Variants in KMT2C observed in about 807,000 individuals in gnomAD.
The protein encoded by KMT2C is histone-lysine N-methyltransferase 2C.
Under a neutral mutation model 507.9 loss-of-function variants are expected in KMT2C, and 88 were observed. The ratio of observed to expected loss-of-function variants is 0.17; its 90% CI spans 0.15 to 0.21. KMT2C has a LOEUF of 0.21. Ranked by LOEUF, KMT2C falls within the 10% of genes least tolerant of loss-of-function variation. KMT2C has a pLI of 1.00. For synonymous variants in KMT2C, 2,049 were observed against 2,080.8 expected (o/e 0.98, Z 0.42); for missense variants, 4,954 against 5,957.8 (o/e 0.83, Z 5.55).
chr7:152,406,523 T>A (rs1368555323), intron 1 of KMT2C, among the ~76,000 whole-genome samples: 20 of 150,056 alleles, frequency 1.3e-4, no homozygotes, highest in Middle Eastern at 3.6e-3. Flanking sequence ...AAAGGTGTTC[T>A]TGTTTGTTTT....
chr7:152,297,035 A>AAGAAAG (rs2096510676), intron 6 of KMT2C, among the ~76,000 whole-genome samples: 3 of 97,036 alleles, frequency 3.1e-5, no homozygotes, highest in Non-Finnish European at 5.9e-5. Context: ...GAAAGAAAGA[A>AAGAAAG]AGAAAGAAAG....
At chr7:152,215,083 A>C (rs1385138302) in intron 23 of KMT2C, among the ~76,000 whole-genome samples, 1 of 152,130 alleles carries the variant, frequency 6.6e-6, no homozygotes, top group East Asian at 1.9e-4. Flanking sequence ...AATGAAAAAA[A>C]AAACTGTATC....
chr7:152,174,858 T>G (rs2093126637), intron 38 of KMT2C, among the ~76,000 whole-genome samples: 1 of 152,176 alleles, frequency 6.6e-6, no homozygotes, highest in African/African-American at 2.4e-5. Flanking sequence ...TTTGTTGTTT[T>G]TAGAATCAGT....
intron 26 of KMT2C, among the ~76,000 whole-genome samples, chr7:152,200,825 A>G (rs1235326557): frequency 6.6e-6 from 1 of 152,216 alleles, no homozygotes; most frequent in East Asian, 1.9e-4. Context: ...TATTAACAAT[A>G]CTACCCTTTG....
At chr7:152,384,460 AC>A (rs1340818296) in intron 1 of KMT2C, among the ~76,000 whole-genome samples, 2 of 152,008 alleles carry the variant, frequency 1.3e-5, no homozygotes, top group Admixed American at 1.3e-4. Flanking sequence ...CTGCTACTCA[AC>A]CTTCAAAATG....
At chr7:152,418,220 G>A (rs142873433) in intron 1 of KMT2C, among the ~76,000 whole-genome samples, 3,750 of 151,980 alleles carry the variant, frequency 0.025, 156 homozygotes, top group African/African-American at 0.084. Context: ...GATTACAGGC[G>A]TGAGCCACCA....
At chr7:152,195,730 C>T (rs1274920252) in intron 28 of KMT2C, among the ~76,000 whole-genome samples, 177 bp downstream of exon 28, 1 of 152,182 alleles carries the variant, frequency 6.6e-6, no homozygotes, top group Non-Finnish European at 1.5e-5. Context: ...ACTTGCTATA[C>T]CCCTCCTAAA....
Position 152,235,875 on chromosome 7 carries a change from C to T in KMT2C, c.2711G>A (p.Arg904Gln), listed in dbSNP as rs764909368. 7 of 1,611,970 alleles carry T rather than the reference C, an allele frequency of 4.3e-6. No homozygotes were observed. The highest frequency in any genetic ancestry group is 4.5e-5 in the East Asian group (2 of 44,870). Residue 904 changes from arginine to glutamine, a missense_variant, in exon 16 of 59, where the codon CGA (arginine) becomes CAA (glutamine). This residue lies in a region of KMT2C where 62 missense variants were observed against 137.2 expected (regional missense o/e 0.45). Transcript: ENST00000262189. Reference sequence around the variant, plus strand: ...CAGCTTTGACCTGCCTCGGCCACCTCGCCCCGACAGTCCTGCACCTCGAGG... The same window carrying T: ...CAGCTTTGACCTGCCTCGGCCACCTTGCCCCGACAGTCCTGCACCTCGAGG... The part of the protein sequence containing the change: ...RRPRGAGLSG[R>Q]GGRGRSKLKS...
chr7:152,347,357 T>C (rs1468912929), intron 2 of KMT2C, among the ~76,000 whole-genome samples: 1 of 152,156 alleles, frequency 6.6e-6, no homozygotes, highest in African/African-American at 2.4e-5. Context: ...GCACTTCATA[T>C]GGGTCCCGTG....
intron 36 of KMT2C, 115 bp downstream of exon 36, chr7:152,180,596 T>C (rs2093400517): frequency 2.5e-6 from 2 of 791,096 alleles, no homozygotes; most frequent in Non-Finnish European, 3.9e-6. Flanking sequence ...TATGACAAAC[T>C]CTACAGAATA....
At chr7:152,145,027 C>T (rs1362683255) in intron 54 of KMT2C, 126 bp downstream of exon 54, 2 of 1,386,728 alleles carry the variant, frequency 1.4e-6, no homozygotes, top group Non-Finnish European at 2.0e-6. Context: ...GGCGAGTTCT[C>T]TTATGTAGTT....
At chr7:152,411,547 G>C (rs1246281376) in intron 1 of KMT2C, among the ~76,000 whole-genome samples, 1 of 152,232 alleles carries the variant, frequency 6.6e-6, no homozygotes, top group Non-Finnish European at 1.5e-5. Context: ...GGAAGAAGGT[G>C]GAAGAAAAGG....
At chr7:152,156,650 T>C (rs1195842279) in intron 44 of KMT2C, among the ~76,000 whole-genome samples, 2 of 152,196 alleles carry the variant, frequency 1.3e-5, no homozygotes, top group East Asian at 1.9e-4. Context: ...TCAAGTTTCG[T>C]GGTTATAGCT....
chr7:152,192,530 G>C lies in KMT2C; in HGVS notation c.4660+1479C>G, dbSNP rs180963022. Among the ~76,000 whole-genome samples, 5 of 150,906 alleles carry C rather than the reference G, an allele frequency of 3.3e-5. No individual in the cohort carries two copies. In the East Asian group the frequency reaches 9.7e-4, roughly 29 times the overall value. On this transcript the variant is annotated intron_variant, in intron 31 of 58. Transcript: ENST00000262189. ...CACTCCAGCCTGGGCGAAGGTGTGAGACTCTGTCTCAGAAAAAAAAGAAAA... is the reference window on the plus strand; with the variant it reads ...CACTCCAGCCTGGGCGAAGGTGTGACACTCTGTCTCAGAAAAAAAAGAAAA...
intron 9 of KMT2C, among the ~76,000 whole-genome samples, chr7:152,259,891 CAG>C (rs776992162): frequency 4.6e-5 from 7 of 152,184 alleles, no homozygotes; most frequent in Non-Finnish European, 8.8e-5. Flanking sequence ...CTCAAGACTA[CAG>C]AGAGAACTAC....
chr7:152,228,086 T>C (rs1359892257), intron 18 of KMT2C, among the ~76,000 whole-genome samples: 2 of 152,218 alleles, frequency 1.3e-5, no homozygotes, highest in African/African-American at 4.8e-5. Context: ...TTCACAATTA[T>C]ACAGTGGTGT....
chr7:152,154,214 T>C (rs1035428043), intron 47 of KMT2C, 53 bp downstream of exon 47: 31 of 1,604,038 alleles, frequency 1.9e-5, no homozygotes, highest in East Asian at 4.5e-5. Context: ...ATATTTACAT[T>C]AGTAAATTGG....
At chr7:152,428,816 A>G (rs1301418225) in intron 1 of KMT2C, among the ~76,000 whole-genome samples, 3 of 152,164 alleles carry the variant, frequency 2.0e-5, no homozygotes, top group Non-Finnish European at 4.4e-5. Flanking sequence ...CCCAAGGTCT[A>G]AAGTGTCAGT....
intron 1 of KMT2C, among the ~76,000 whole-genome samples, chr7:152,379,782 CAGAG>C (rs957972639): frequency 1.1e-4 from 16 of 141,182 alleles, no homozygotes; most frequent in Non-Finnish European, 2.4e-4. Context: ...GTATAAAAGA[CAGAG>C]AGAGAGAGAC....
Sources: gnomAD v4.1 joint callset for allele counts (sites outside exome capture counted in the v4.1 genomes callset) on GRCh38, gnomAD v4.1.1 for gene constraint, gnomAD v4.1.1 regional missense constraint, MANE v1.5 for transcripts, NCBI Gene and HGNC (gene_info 2026-07-23, HGNC 2026-07-21) for gene names.